The following PIGS variants were observed in gnomAD, a reference collection of about 807,000 sequenced individuals.
PIGS encodes phosphatidylinositol glycan anchor biosynthesis class S, also known as GPI-anchor transamidase component PIGS.
A neutral mutation model predicts 58.2 loss-of-function variants in PIGS; 37 were observed. The ratio of observed to expected loss-of-function variants is 0.64; its 90% CI spans 0.49 to 0.84. PIGS has a LOEUF of 0.84. Among genes scored for constraint, PIGS ranks in the 40% least tolerant of loss-of-function variants. The probability of loss-of-function intolerance (pLI) is 0.00; values close to 1 mark genes in which losing one functional copy is unlikely to be tolerated. For missense variants in PIGS, 629 were observed against 710.8 expected (o/e 0.88, Z 1.31); for synonymous variants, 269 against 289.2 (o/e 0.93, Z 0.71).
At chr17:28,558,406 A>G in intron 8 of PIGS, 70 bp downstream of exon 8, 1 of 1,291,630 alleles carries the variant, frequency 7.7e-7, no homozygotes, top group Non-Finnish European at 1.1e-6. Flanking sequence ...CCTGTCCCCT[A>G]CCCAGCTGAG....
intron 3 of PIGS, among the ~76,000 whole-genome samples, chr17:28,564,307 C>T (rs1194392672): frequency 2.0e-5 from 3 of 152,216 alleles, no homozygotes; most frequent in African/African-American, 7.2e-5. Context: ...GTGGCTCATG[C>T]TTGTAATCCC....
chr17:28,558,265 C>T (rs534523610), intron 8 of PIGS, among the ~76,000 whole-genome samples: 1 of 152,238 alleles, frequency 6.6e-6, no homozygotes, highest in Non-Finnish European at 1.5e-5. Flanking sequence ...ATGACTGTGC[C>T]ACTGCACTTT....
intron 7 of PIGS, among the ~76,000 whole-genome samples, chr17:28,559,062 C>T (rs2070347132): frequency 6.6e-6 from 1 of 152,082 alleles, no homozygotes; most frequent in East Asian, 2.0e-4. Context: ...TCACTGCAAA[C>T]TCCACCTCCC....
At position 28,558,537 on chromosome 17, in the gene PIGS, G is replaced by T; in HGVS notation, c.873C>A (p.Ser291=). The T allele has an allele frequency of 6.2e-7, 1 of 1,613,130 alleles. No homozygotes were observed. The highest frequency in any genetic ancestry group is 8.5e-7 in the Non-Finnish European group (1 of 1,179,744). Residue 291 remains serine (S), a synonymous_variant, in exon 8 of 12, where the codon TCC becomes TCA. Coordinates refer to ENST00000308360, the MANE Select transcript of PIGS (RefSeq NM_033198.4). ...GGCTGTGCATGTCCAAATAGTAGCT[G>T]GAGGAAGCTGAGTCAAAGCGGGGAT... ...GVNPRFDSAS[S]SYYLDMHSLP... is the part of the protein sequence containing the mutation.
chr17:28,571,358 C>CG (rs1346528374), intron 1 of PIGS, 105 bp downstream of exon 1: 22 of 1,539,272 alleles, frequency 1.4e-5, no homozygotes, highest in Non-Finnish European at 1.9e-5. Flanking sequence ...AAGAGACCCC[C>CG]GAGCCCCCCG....
At chr17:28,566,993 C>T (rs1031324861) in intron 3 of PIGS, among the ~76,000 whole-genome samples, 2 of 152,100 alleles carry the variant, frequency 1.3e-5, no homozygotes, top group African/African-American at 4.8e-5. Flanking sequence ...CACTGCACAG[C>T]AGTCTGGGTG....
At chr17:28,564,557 T>A (rs955202353) in intron 3 of PIGS, among the ~76,000 whole-genome samples, 2 of 151,692 alleles carry the variant, frequency 1.3e-5, no homozygotes, top group South Asian at 4.2e-4. Flanking sequence ...CTACCAAAAA[T>A]ACAAAAAATT....
Position 28,554,850 on chromosome 17 carries a change from C to G in PIGS, c.1392+1G>C. ...GCAGAATCCATCCCCTGCCTGCTTA[C>G]CTCAGATGCCACGTCGTCCTTAATG... is the stretch of plus-strand genomic sequence containing the variant. On this transcript the variant is annotated splice_donor_variant, in intron 11 of 11. Transcript: ENST00000308360. LOFTEE classifies it high-confidence loss of function. The G allele has an allele frequency of 1.2e-6, 2 of 1,614,154 alleles. No individual in the cohort carries two copies. The highest frequency in any genetic ancestry group is 1.7e-6 in the Non-Finnish European group (2 of 1,180,020).
In PIGS at chr17:28,571,014, G is replaced by T. The variant is rs199847558; in HGVS notation, c.174+35C>A. The T allele has an allele frequency of 5.0e-6, 8 of 1,614,128 alleles. No homozygotes were observed. The Admixed American group carries it at 5.0e-5, about 10-fold the overall frequency. On this transcript the variant is annotated intron_variant, in intron 2 of 11. Coordinates refer to ENST00000308360, the MANE Select transcript of PIGS (RefSeq NM_033198.4). ...CACTGAGTCTCCACCTTGCCGGGGGGGCTGTCCCCCGACCCTCCCGCACAG... is the reference window on the plus strand; with the variant it reads ...CACTGAGTCTCCACCTTGCCGGGGGTGCTGTCCCCCGACCCTCCCGCACAG...
intron 3 of PIGS, 104 bp downstream of exon 3, chr17:28,570,748 G>GT (rs1308592160): frequency 2.7e-6 from 3 of 1,096,708 alleles, no homozygotes; most frequent in Non-Finnish European, 4.1e-6. Context: ...TCTTTCAACA[G>GT]TAAGTTTTTA....
intron 11 of PIGS, 57 bp from the exon 12 acceptor site, chr17:28,554,552 G>T: frequency 6.4e-7 from 1 of 1,568,434 alleles, no homozygotes; most frequent in East Asian, 2.2e-5. Context: ...TTGGTGGAAA[G>T]GGTGCTGGGC....
intron 7 of PIGS, 145 bp from the exon 8 acceptor site, chr17:28,558,735 A>G: frequency 1.6e-6 from 1 of 641,716 alleles, no homozygotes; most frequent in Non-Finnish European, 2.7e-6. Context: ...AAATAATTGC[A>G]GAAGAAAATA....
chr17:28,569,643 T>C (rs1327923703), intron 3 of PIGS, among the ~76,000 whole-genome samples: 2 of 152,120 alleles, frequency 1.3e-5, no homozygotes, highest in African/African-American at 2.4e-5. Context: ...TCCCCCAATA[T>C]GCTGATTCAC....
chr17:28,561,676 A>G (rs1398269607), intron 5 of PIGS, 47 bp from the exon 6 acceptor site: 3 of 1,554,448 alleles, frequency 1.9e-6, no homozygotes, highest in East Asian at 2.4e-5. Flanking sequence ...CAGAAAAGAA[A>G]GCCAAAAAGC....
chr17:28,554,804 T>C, intron 11 of PIGS, 47 bp downstream of exon 11: 4 of 1,604,902 alleles, frequency 2.5e-6, no homozygotes, highest in African/African-American at 1.3e-5. Flanking sequence ...TGGCCCTCTC[T>C]GGCTACTCCA....
intron 10 of PIGS, 54 bp downstream of exon 10, chr17:28,556,112 T>C (rs777812654): frequency 5.3e-6 from 8 of 1,508,212 alleles, no homozygotes; most frequent in Non-Finnish European, 6.5e-6. Context: ...ACTTTGCAAC[T>C]CCCCTCTACA....
rs747255586 is a variant in PIGS, at chr17:28,571,463, C to G, written c.34G>C (p.Glu12Gln). The G allele has an allele frequency of 1.1e-5, 18 of 1,610,448 alleles. No individual in the cohort carries two copies. Among genetic ancestry groups the G allele is most frequent in the Non-Finnish European group, 1.4e-5 (17 of 1,178,694 alleles). ...GCCCCCCACCCGAAGCCCACCGCAC[C>G]TAGGTGTGTAGCCGCAGCCCCGGCG... ...AAAGAAATHLEVARGKRAALF... is the reference protein window; with the variant it reads ...AAAGAAATHLQVARGKRAALF... The change falls in exon 1 of 12, where the codon GAG becomes CAG. Residue 12 changes from glutamate to glutamine, a missense_variant and splice_region_variant. By Grantham distance (29) the Glu-to-Gln change is conservative. Coordinates refer to ENST00000308360, the MANE Select transcript of PIGS (RefSeq NM_033198.4).
intron 3 of PIGS, among the ~76,000 whole-genome samples, chr17:28,565,051 T>C (rs958981060): frequency 1.3e-5 from 2 of 152,178 alleles, no homozygotes; most frequent in African/African-American, 4.8e-5. Context: ...GAAAGAAAAC[T>C]TAAAAGTATT....
intron 3 of PIGS, 37 bp from the exon 4 acceptor site, chr17:28,563,944 A>G: frequency 1.3e-6 from 2 of 1,562,382 alleles, no homozygotes; most frequent in Non-Finnish European, 1.8e-6. Flanking sequence ...GAAAAGGGCA[A>G]GCATCATGCC....
Sources: allele counts gnomAD v4.1 joint callset (sites outside exome capture counted in the v4.1 genomes callset), GRCh38; gene constraint gnomAD v4.1.1; transcripts MANE v1.5; gene names NCBI Gene and HGNC (gene_info 2026-07-23, HGNC 2026-07-21).